TENM3: variants seen among roughly 807,000 people sequenced by gnomAD.
TENM3 encodes the protein teneurin transmembrane protein 3.
In TENM3, 63 loss-of-function variants were observed where a neutral mutation model predicts 255.1. The observed-to-expected ratio is 0.25, with a 90% CI of 0.20 to 0.30. TENM3 has a LOEUF of 0.30. Ranked by LOEUF, TENM3 falls within the 10% of genes least tolerant of loss-of-function variation. TENM3 has a pLI of 1.00. For synonymous variants in TENM3, 1,306 were observed against 1,322.3 expected (o/e 0.99, Z 0.27); for missense variants, 2,929 against 3,461.1 (o/e 0.85, Z 3.86).
intron 3 of TENM3, among the ~76,000 whole-genome samples, chr4:182,405,246 G>T (rs1769479799): frequency 6.6e-6 from 1 of 152,156 alleles, no homozygotes; most frequent in African/African-American, 2.4e-5. Flanking sequence ...TCACCTCCCC[G>T]CTACAATCTA....
rs10638816 is a variant in TENM3, at chr4:182,384,311, GTTTTT to G, written c.511+37391_511+37395del. ...CTTTGAAAATGTCTGCTGTGGTTCA[GTTTTT>G]TTTTTTTTCTTGAAAATATAAATGG... On this transcript the variant is annotated intron_variant, in intron 3 of 27. Transcript: ENST00000511685. Among the ~76,000 whole-genome samples the G allele has an allele frequency of 9.5e-4, 141 of 147,914 alleles. 1 individual carries two copies. The highest frequency in any genetic ancestry group is 1.7e-3 in the Non-Finnish European group (113 of 67,216).
At chr4:182,409,338 C>G (rs1769808215) in intron 3 of TENM3, among the ~76,000 whole-genome samples, 1 of 152,218 alleles carries the variant, frequency 6.6e-6, no homozygotes, top group Non-Finnish European at 1.5e-5. Flanking sequence ...TATAACACAA[C>G]TTCTATTAGA....
the TENM3 span, among the ~76,000 whole-genome samples, chr4:181,615,740 A>C: frequency 9.2e-5 from 14 of 152,350 alleles, no homozygotes; most frequent in East Asian, 2.5e-3. Flanking sequence ...CCTCGTGAAC[A>C]AAATATGTTA....
the TENM3 span, among the ~76,000 whole-genome samples, chr4:181,806,883 A>T: frequency 6.6e-5 from 10 of 152,250 alleles, no homozygotes; most frequent in East Asian, 1.9e-3. Context: ...CATATTTGTA[A>T]CTGATTCATT....
At chr4:182,244,911 G>A (rs1303808629) in intron 1 of TENM3, among the ~76,000 whole-genome samples, 1 of 152,138 alleles carries the variant, frequency 6.6e-6, no homozygotes. Flanking sequence ...TTAAATTAAT[G>A]AGAATCTTGC....
At chr4:182,146,433 C>A (rs141366653) in intron 1 of TENM3, among the ~76,000 whole-genome samples, 6,731 of 152,152 alleles carry the variant, frequency 0.044, 220 homozygotes, top group South Asian at 0.1. Flanking sequence ...TTCCTAAATT[C>A]TTCAAAGATA....
chr4:181,718,722 C>G, the TENM3 span, among the ~76,000 whole-genome samples: 1 of 152,086 alleles, frequency 6.6e-6, no homozygotes, highest in African/African-American at 2.4e-5. Context: ...CTTTGTTTCA[C>G]TCTATTAAAT....
At chr4:181,517,392 G>A in the TENM3 span, among the ~76,000 whole-genome samples, 1 of 152,142 alleles carries the variant, frequency 6.6e-6, no homozygotes, top group Non-Finnish European at 1.5e-5. Flanking sequence ...AGAGTGTAGA[G>A]AATAGGTACC....
At chr4:182,325,864 C>A (rs1763364675) in intron 2 of TENM3, among the ~76,000 whole-genome samples, 1 of 152,174 alleles carries the variant, frequency 6.6e-6, no homozygotes, top group Non-Finnish European at 1.5e-5. Flanking sequence ...ATCTCCACAC[C>A]AGGCAAGCAT....
the TENM3 span, among the ~76,000 whole-genome samples, chr4:181,854,038 A>T: frequency 6.6e-6 from 1 of 152,238 alleles, no homozygotes; most frequent in African/African-American, 2.4e-5. Context: ...TTGGTTCTTA[A>T]TAAGGGCTTT....
At chr4:182,553,000 CTGA>C (rs1211156556) in intron 3 of TENM3, among the ~76,000 whole-genome samples, 6 of 152,168 alleles carry the variant, frequency 3.9e-5, no homozygotes, top group African/African-American at 1.2e-4. Context: ...ATGCATGATA[CTGA>C]ATCAGTAAAA....
chr4:182,664,972 A>G (rs1248683141), intron 6 of TENM3, among the ~76,000 whole-genome samples: 3 of 152,234 alleles, frequency 2.0e-5, no homozygotes, highest in Admixed American at 2.0e-4. Context: ...AGCTGCAGCA[A>G]GTTATCCAGA....
At chr4:181,674,401 A>G in the TENM3 span, among the ~76,000 whole-genome samples, 2 of 146,412 alleles carry the variant, frequency 1.4e-5, no homozygotes, top group Admixed American at 7.0e-5. Flanking sequence ...TTGGGGTGTT[A>G]GTACATGGTC....
chr4:181,584,992 G>A, the TENM3 span, among the ~76,000 whole-genome samples: 4 of 113,136 alleles, frequency 3.5e-5, no homozygotes, highest in South Asian at 3.4e-4. Context: ...CAACATAAAC[G>A]TATCCAGTGG....
chr4:182,716,090 A>G (rs1010175729), intron 13 of TENM3, among the ~76,000 whole-genome samples: 2 of 152,182 alleles, frequency 1.3e-5, no homozygotes, highest in African/African-American at 4.8e-5. Context: ...ACCACAGTAC[A>G]GATGGCTCCT....
chr4:181,938,755 A>G, the TENM3 span, among the ~76,000 whole-genome samples: 11 of 152,192 alleles, frequency 7.2e-5, no homozygotes, highest in African/African-American at 2.7e-4. Flanking sequence ...TTGTAACTTT[A>G]TTCAGCAGTG....
At chr4:181,756,673 T>C in the TENM3 span, among the ~76,000 whole-genome samples, 1 of 152,222 alleles carries the variant, frequency 6.6e-6, no homozygotes, top group East Asian at 1.9e-4. Context: ...CTGTCAAAAC[T>C]GCTGCACGAA....
chr4:182,521,247 C>G (rs1738541394), intron 3 of TENM3, among the ~76,000 whole-genome samples: 1 of 152,216 alleles, frequency 6.6e-6, no homozygotes, highest in Non-Finnish European at 1.5e-5. Context: ...CATTCTTCTT[C>G]AGAGAAGCAA....
At chr4:182,447,485 A>AT (rs1403603635) in intron 3 of TENM3, among the ~76,000 whole-genome samples, 2 of 152,224 alleles carry the variant, frequency 1.3e-5, no homozygotes, top group Non-Finnish European at 2.9e-5. Flanking sequence ...AGATAAGGAA[A>AT]TTACTGTTGT....
Sources: allele counts gnomAD v4.1 joint callset (sites outside exome capture counted in the v4.1 genomes callset), GRCh38; gene constraint gnomAD v4.1.1; transcripts MANE v1.5; gene names NCBI Gene and HGNC (gene_info 2026-07-23, HGNC 2026-07-21).